The following EEFSEC variants were observed in gnomAD, a reference collection of about 807,000 sequenced individuals.
The protein encoded by EEFSEC is eukaryotic elongation factor, selenocysteine-tRNA specific.
Under a neutral mutation model 42.1 loss-of-function variants are expected in EEFSEC, and 43 were observed. The ratio of observed to expected loss-of-function variants is 1.02; its 90% CI spans 0.80 to 1.32. The LOEUF is 1.32. EEFSEC is among the 40% of genes most tolerant of loss of function. The pLI is 0.00. For missense variants in EEFSEC, 745 were observed against 803.6 expected (o/e 0.93, Z 0.88); for synonymous variants, 354 against 339.1 (o/e 1.04, Z -0.48).
intron 4 of EEFSEC, among the ~76,000 whole-genome samples, chr3:128,292,580 T>C (rs2811522): frequency 0.84 from 127,078 of 151,690 alleles, 53,726 homozygotes; most frequent in East Asian, 0.99. Context: ...TTTTTGTCTA[T>C]TTATTGGCAT....
intron 1 of EEFSEC, among the ~76,000 whole-genome samples, chr3:128,224,684 T>A (rs79613209): frequency 6.6e-6 from 1 of 152,216 alleles, no homozygotes; most frequent in Non-Finnish European, 1.5e-5. Flanking sequence ...TGAATACTTA[T>A]GTATATATCT....
chr3:128,312,221 C>A (rs1291239643), intron 4 of EEFSEC, among the ~76,000 whole-genome samples: 1 of 152,206 alleles, frequency 6.6e-6, no homozygotes, highest in Non-Finnish European at 1.5e-5. Context: ...CTGATTTAAC[C>A]CTAGACAACC....
At chr3:128,311,410 G>A (rs143676619) in intron 4 of EEFSEC, among the ~76,000 whole-genome samples, 9 of 152,328 alleles carry the variant, frequency 5.9e-5, no homozygotes, top group African/African-American at 2.2e-4. Context: ...CTGTAGGGAA[G>A]GAGGGAAGGA....
At chr3:128,394,517 A>AGCAATAT (rs2067957146) in intron 6 of EEFSEC, among the ~76,000 whole-genome samples, 1 of 152,210 alleles carries the variant, frequency 6.6e-6, no homozygotes, top group African/African-American at 2.4e-5. Flanking sequence ...AATATGAAGA[A>AGCAATAT]GACTTTTATT....
intron 5 of EEFSEC, among the ~76,000 whole-genome samples, chr3:128,343,393 G>A (rs1002609007): frequency 1.3e-5 from 2 of 152,056 alleles, no homozygotes; most frequent in African/African-American, 2.4e-5. Flanking sequence ...GCCCTCAAGT[G>A]GGGGACTGAG....
At chr3:128,264,274 A>G (rs1475605330) in intron 3 of EEFSEC, among the ~76,000 whole-genome samples, 1 of 152,184 alleles carries the variant, frequency 6.6e-6, no homozygotes, top group Non-Finnish European at 1.5e-5. Context: ...CCAGGGAGCA[A>G]TGCGACAGGG....
At chr3:128,313,866 C>A (rs535519966) in intron 4 of EEFSEC, among the ~76,000 whole-genome samples, 1 of 152,200 alleles carries the variant, frequency 6.6e-6, no homozygotes, top group Non-Finnish European at 1.5e-5. Flanking sequence ...CCTGACAACC[C>A]CCTGTCTTGG....
chr3:128,201,206 G>A (rs920543729), intron 1 of EEFSEC, among the ~76,000 whole-genome samples: 1 of 152,120 alleles, frequency 6.6e-6, no homozygotes, highest in Non-Finnish European at 1.5e-5. Flanking sequence ...TAAAAAAAGT[G>A]TGTGTCACCT....
intron 1 of EEFSEC, among the ~76,000 whole-genome samples, chr3:128,218,237 A>G (rs901248780): frequency 1.3e-5 from 2 of 152,232 alleles, no homozygotes; most frequent in Admixed American, 6.5e-5. Context: ...AGTTTCATGT[A>G]TAGGCCTCTT....
intron 6 of EEFSEC, among the ~76,000 whole-genome samples, chr3:128,404,735 G>A (rs375494931): frequency 3.9e-4 from 60 of 152,322 alleles, no homozygotes; most frequent in African/African-American, 1.2e-3. Context: ...AGCAGACACC[G>A]CTCAGGCTCC....
chr3:128,219,677 C>T (rs1302624366), intron 1 of EEFSEC, among the ~76,000 whole-genome samples: 1 of 151,996 alleles, frequency 6.6e-6, no homozygotes, highest in East Asian at 1.9e-4. Context: ...ATTTGTATCT[C>T]ACACTAGAAT....
rs184871417 is a variant in EEFSEC at position 128,334,687 on chromosome 3, G to A, written c.787-6546G>A. Among the ~76,000 whole-genome samples the A allele has an allele frequency of 1.2e-3, 183 of 152,372 alleles. 1 individual carries two copies. Among genetic ancestry groups the A allele is most frequent in the Non-Finnish European group, 2.0e-3 (134 of 68,030 alleles). ...AAGGACCAAACTGCTTAGCAAGCAC[G>A]AACTTGAGTTTTAAAAAGTGTTTGC... On this transcript the variant is annotated intron_variant, in intron 4 of 6. Transcript: ENST00000254730.
intron 4 of EEFSEC, among the ~76,000 whole-genome samples, chr3:128,282,648 T>C (rs2066539971): frequency 6.6e-6 from 1 of 152,114 alleles, no homozygotes; most frequent in Non-Finnish European, 1.5e-5. Context: ...AGCTGCCCAT[T>C]TCACCGGGGA....
intron 1 of EEFSEC, among the ~76,000 whole-genome samples, chr3:128,169,967 G>T (rs558369275): frequency 6.6e-6 from 1 of 152,252 alleles, no homozygotes; most frequent in South Asian, 2.1e-4. Flanking sequence ...TGGGGCAGGC[G>T]GCATATTTTG....
intron 2 of EEFSEC, among the ~76,000 whole-genome samples, chr3:128,261,785 T>G (rs1402613582): frequency 6.6e-6 from 1 of 152,158 alleles, no homozygotes; most frequent in African/African-American, 2.4e-5. Context: ...TGAGATGTAT[T>G]TATTGGTCTT....
At chr3:128,290,025 T>C (rs1256240317) in intron 4 of EEFSEC, among the ~76,000 whole-genome samples, 2 of 152,248 alleles carry the variant, frequency 1.3e-5, no homozygotes, top group Admixed American at 1.3e-4. Flanking sequence ...TTTCTCCCGG[T>C]CTATAAATTG....
intron 6 of EEFSEC, among the ~76,000 whole-genome samples, chr3:128,371,817 G>A (rs995952102): frequency 2.6e-5 from 4 of 152,210 alleles, no homozygotes; most frequent in Non-Finnish European, 5.9e-5. Context: ...GGGCCATGGG[G>A]AAAGAGAGGA....
chr3:128,380,872 C>T (rs939101653), intron 6 of EEFSEC, among the ~76,000 whole-genome samples: 1 of 152,202 alleles, frequency 6.6e-6, no homozygotes, highest in Non-Finnish European at 1.5e-5. Flanking sequence ...GGAGGGGGCC[C>T]CAATGGTGCC....
At chr3:128,302,358 G>A (rs532886323) in intron 4 of EEFSEC, among the ~76,000 whole-genome samples, 1 of 152,258 alleles carries the variant, frequency 6.6e-6, no homozygotes, top group South Asian at 2.1e-4. Flanking sequence ...ATAAAGGAGG[G>A]TGAAGGGAAG....
Sources: gnomAD v4.1 joint callset for allele counts (sites outside exome capture counted in the v4.1 genomes callset) on GRCh38, gnomAD v4.1.1 for gene constraint, MANE v1.5 for transcripts, NCBI Gene and HGNC (gene_info 2026-07-23, HGNC 2026-07-21) for gene names.